PCCB: variants seen among roughly 807,000 people sequenced by gnomAD.
PCCB encodes the protein propionyl-CoA carboxylase beta chain, mitochondrial.
A neutral mutation model predicts 60.7 loss-of-function variants in PCCB; 43 were observed. The ratio of observed to expected loss-of-function variants is 0.71; its 90% confidence interval spans 0.55 to 0.91. PCCB has a LOEUF of 0.91. Ranked by LOEUF, PCCB falls within the 40% of genes least tolerant of loss-of-function variation. The pLI, the probability that PCCB is intolerant of heterozygous loss-of-function variation, is 0.00. For synonymous variants in PCCB, 276 were observed against 255.9 expected (o/e 1.08, Z -0.75); for missense variants, 766 against 702.8 (o/e 1.09, Z -1.02).
At chr3:136,268,112 ATATATATATG>A (rs1174865311) in intron 5 of PCCB, among the ~76,000 whole-genome samples, 47 of 132,468 alleles carry the variant, frequency 3.5e-4, no homozygotes, top group African/African-American at 1.4e-3. Context: ...ATATATATAT[ATATATATATG>A]TATATATATA....
At chr3:136,301,979 T>C (rs1449236419) in intron 9 of PCCB, among the ~76,000 whole-genome samples, 2 of 152,122 alleles carry the variant, frequency 1.3e-5, no homozygotes, top group Admixed American at 1.3e-4. Flanking sequence ...AAAATGAAGA[T>C]GGTAAAAAGA....
chr3:136,255,668 C>T (rs1941652632), intron 1 of PCCB, 188 bp from the exon 2 acceptor site: 3 of 635,332 alleles, frequency 4.7e-6, no homozygotes, highest in African/African-American at 1.8e-5. Flanking sequence ...CACTGTCTGT[C>T]CTGATTTCCA....
intron 3 of PCCB, chr3:136,260,108 C>A (rs1481644364): frequency 8.3e-6 from 3 of 362,904 alleles, no homozygotes; most frequent in Non-Finnish European, 1.6e-5. Context: ...GGGTCTTGCT[C>A]TGTTGCATAG....
At chr3:136,297,706 A>G (rs1300175138) in intron 7 of PCCB, among the ~76,000 whole-genome samples, 1 of 152,152 alleles carries the variant, frequency 6.6e-6, no homozygotes, top group Non-Finnish European at 1.5e-5. Flanking sequence ...GGACCTGAAT[A>G]AAGAAAGGTG....
rs116533396 is a variant in PCCB at position 136,277,560 on chromosome 3, C to T, written c.544-6277C>T. Among the ~76,000 whole-genome samples the T allele has an allele frequency of 3.7e-3, 561 of 152,116 alleles. 2 individuals carry two copies. Among genetic ancestry groups the T allele is most frequent in the African/African-American group, 0.013 (543 of 41,484 alleles). On this transcript the variant is annotated intron_variant, in intron 5 of 14. Coordinates refer to ENST00000251654, the MANE Select transcript of PCCB (RefSeq NM_000532.5). ...GTGGGGGCTGGGTCAGGTGGGTCTA[C>T]ACTCTGTCTCTCCATGTGTGGGGAA... is the stretch of plus-strand genomic sequence containing the variant.
intron 1 of PCCB, among the ~76,000 whole-genome samples, chr3:136,254,179 G>C (rs528663632): frequency 7.4e-4 from 112 of 151,796 alleles, no homozygotes; most frequent in Non-Finnish European, 1.4e-3. Context: ...ATTTGCTTGG[G>C]GCTGAGAGCT....
chr3:136,266,648 T>G (rs1305394947), intron 5 of PCCB, among the ~76,000 whole-genome samples: 1 of 152,244 alleles, frequency 6.6e-6, no homozygotes. Flanking sequence ...AGTTCTAGTT[T>G]GCATTTCTCA....
chr3:136,327,347 A>AG lies in PCCB; in HGVS notation c.1299+94dup, dbSNP rs1935359624. ...CTGGCAGAGTTTTACCAGGGCTGGA[A>AG]GGAGTACACCTTGCTCATCCTTAAA... On this transcript the variant is annotated intron_variant, in intron 12 of 14. Transcript: ENST00000251654. 6 of 927,626 alleles carry AG rather than the reference A, an allele frequency of 6.5e-6. No individual in the cohort carries two copies. In the East Asian group the frequency reaches 1.2e-4, roughly 19 times the overall value. The allele number at this position is 927,626 out of a possible 1,614,324, so 57.5% of individuals were successfully genotyped here.
At chr3:136,261,926 A>G in intron 4 of PCCB, 26 bp from the exon 5 acceptor site, 1 of 1,408,494 alleles carries the variant, frequency 7.1e-7, no homozygotes, top group Non-Finnish European at 9.8e-7. Flanking sequence ...CATTTGTCTC[A>G]ATAAAAGATT....
At chr3:136,252,105 C>T (rs529960891) in intron 1 of PCCB, among the ~76,000 whole-genome samples, 6 of 151,890 alleles carry the variant, frequency 4.0e-5, no homozygotes, top group South Asian at 4.2e-4. Context: ...CGGTCTTGTA[C>T]GCCTGACCTC....
rs767133576 is a variant in PCCB, at chr3:136,250,473, C to T, written c.98C>T (p.Thr33Ile). Residue 33 changes from threonine to isoleucine, a missense_variant, in exon 1 of 15, where the codon ACC becomes ATC. Physicochemically the swap from Thr to Ile is moderately conservative, Grantham distance 89 (BLOSUM62 -1). Coordinates refer to ENST00000251654, the MANE Select transcript of PCCB (RefSeq NM_000532.5). ...GTCCGCAGCCTTTGCAGCCAGGCCA[C>T]CTCTGTTAACGAACGCATCGAAAAC... ...AAVRSLCSQA[T>I]SVNERIENKR... is the part of the protein sequence containing the mutation. 3.7e-6 allele frequency: 6 copies of T among 1,611,804 alleles called. No individual in the cohort carries two copies. Among genetic ancestry groups the T allele is most frequent in the African/African-American group, 1.3e-5 (1 of 74,924 alleles).
At chr3:136,284,889 C>A (rs1357801139) in intron 6 of PCCB, among the ~76,000 whole-genome samples, 1 of 151,968 alleles carries the variant, frequency 6.6e-6, no homozygotes, top group Non-Finnish European at 1.5e-5. Context: ...GAGTTTTAGA[C>A]CAGCCTAGGC....
intron 6 of PCCB, among the ~76,000 whole-genome samples, chr3:136,288,550 G>A (rs1933530320): frequency 6.6e-6 from 1 of 151,382 alleles, no homozygotes; most frequent in Non-Finnish European, 1.5e-5. Context: ...TGGTCTCACT[G>A]TGTTGCTTAG....
At chr3:136,268,084 G>GTATATATATA (rs1296672355) in intron 5 of PCCB, among the ~76,000 whole-genome samples, 7 of 60,938 alleles carry the variant, frequency 1.1e-4, no homozygotes, top group Non-Finnish European at 1.6e-4. Flanking sequence ...GTGTGTGTGT[G>GTATATATATA]TAGATATATA....
chr3:136,303,551 T>C (rs1576343458), intron 9 of PCCB, among the ~76,000 whole-genome samples: 1 of 122,794 alleles, frequency 8.1e-6, no homozygotes, highest in African/African-American at 2.5e-5. Flanking sequence ...TAAGGTATTT[T>C]AAAATCAGGT....
intron 9 of PCCB, among the ~76,000 whole-genome samples, chr3:136,313,031 A>G (rs1301794663): frequency 1.3e-5 from 2 of 152,208 alleles, no homozygotes; most frequent in African/African-American, 2.4e-5. Flanking sequence ...TACAAATTCA[A>G]ATTACACTGA....
intron 5 of PCCB, among the ~76,000 whole-genome samples, chr3:136,272,465 A>G (rs1366522061): frequency 6.6e-6 from 1 of 152,038 alleles, no homozygotes; most frequent in African/African-American, 2.4e-5. Flanking sequence ...GTGGAATTCA[A>G]CTGTGATCCA....
Position 136,327,337 on chromosome 3 carries a change from C to T in PCCB, c.1299+82C>T. 6 of 1,068,070 alleles carry T rather than the reference C, an allele frequency of 5.6e-6. No homozygotes were observed. In the South Asian group the frequency reaches 7.7e-5, roughly 14 times the overall value. 66.2% of individuals were successfully genotyped at this position (1,068,070 alleles called of 1,614,324 possible). A position where few individuals can be genotyped will look rare whatever the true frequency, so the allele number is the denominator to read the frequency against. On this transcript the variant is annotated intron_variant, in intron 12 of 14. Transcript: ENST00000251654. The stretch of plus-strand genomic sequence containing the variant: ...GGTGGGAGGTCTGGCAGAGTTTTAC[C>T]AGGGCTGGAAGGAGTACACCTTGCT...
chr3:136,292,317 G>A (rs1175665916), intron 6 of PCCB, among the ~76,000 whole-genome samples: 1 of 151,150 alleles, frequency 6.6e-6, no homozygotes, highest in Non-Finnish European at 1.5e-5. Context: ...GAAGACCTTT[G>A]TAGCTAGACC....
Sources: gnomAD v4.1 joint callset for allele counts (sites outside exome capture counted in the v4.1 genomes callset) on GRCh38, gnomAD v4.1.1 for gene constraint, MANE v1.5 for transcripts, NCBI Gene and HGNC (gene_info 2026-07-23, HGNC 2026-07-21) for gene names.